Variants in TMEM209 observed in about 807,000 individuals in gnomAD.
TMEM209 encodes transmembrane protein 209.
Under a neutral mutation model 76.2 loss-of-function variants are expected in TMEM209, and 65 were observed. The ratio of observed to expected loss-of-function variants is 0.85; its 90% CI spans 0.70 to 1.05. The LOEUF (loss-of-function observed/expected upper bound fraction) is 1.05, where lower values mean the gene tolerates loss of function less well. Ranked by LOEUF, TMEM209 falls within the 50% of genes least tolerant of loss-of-function variation. The pLI is 0.00. For missense variants in TMEM209, 623 were observed against 685.5 expected (o/e 0.91, Z 1.02); for synonymous variants, 239 against 237.6 (o/e 1.01, Z -0.06).
chr7:130,200,792 T>C (rs1562899420), intron 5 of TMEM209, among the ~76,000 whole-genome samples: 1 of 152,296 alleles, frequency 6.6e-6, no homozygotes, highest in East Asian at 1.9e-4. Context: ...AAATTAATTT[T>C]AATATTGGAT....
intron 6 of TMEM209, 43 bp from the exon 7 acceptor site, chr7:130,185,410 T>C: frequency 1.9e-6 from 3 of 1,566,930 alleles, no homozygotes; most frequent in Non-Finnish European, 2.6e-6. Flanking sequence ...TTGTAGCAAT[T>C]CTGACATCTA....
chr7:130,166,484 A>G lies in TMEM209; in HGVS notation c.1653T>C (p.Ser551=), dbSNP rs750662206. The G allele has an allele frequency of 1.1e-5, 17 of 1,541,476 alleles. No individual in the cohort carries two copies. Among genetic ancestry groups the G allele is most frequent in the Non-Finnish European group, 1.5e-5 (17 of 1,143,440 alleles). ...GMLGRVNLGL[S]GVNILWIFGE is the part of the protein sequence containing the mutation. The stretch of plus-strand genomic sequence containing the variant: ...CAAAGATCCACAATATATTCACACC[A>G]GATAGACCAAGATTAACTCTCCTAT... The change falls in exon 15 of 15, where the codon TCT becomes TCC. Residue 551 remains serine (S), a synonymous_variant. Transcript: ENST00000397622.
At chr7:130,174,608 T>C (rs1797175986) in intron 11 of TMEM209, among the ~76,000 whole-genome samples, 1 of 152,136 alleles carries the variant, frequency 6.6e-6, no homozygotes, top group Non-Finnish European at 1.5e-5. Flanking sequence ...TTTTCACCCG[T>C]AACAGTCACT....
rs999162602 is a variant in TMEM209, at chr7:130,166,000, G to GT, written c.*450dup. The GT allele has an allele frequency of 4.6e-5, 7 of 152,358 alleles. No homozygotes were observed. Among genetic ancestry groups the GT allele is most frequent in the African/African-American group, 1.7e-4 (7 of 41,308 alleles). The allele number at this position is 152,358 out of a possible 1,614,324, so 9.4% of individuals were successfully genotyped here. A position where few individuals can be genotyped will look rare whatever the true frequency, so the allele number is the denominator to read the frequency against. On this transcript the variant is annotated 3_prime_UTR_variant, in exon 15 of 15. Coordinates refer to ENST00000397622, the MANE Select transcript of TMEM209 (RefSeq NM_032842.4). The stretch of plus-strand genomic sequence containing the variant: ...TTGAGCCTGGGAGGCAGAAGTTGTA[G>GT]TGAGCTAAGATCGTGCCACTGCACT...
intron 4 of TMEM209, 47 bp downstream of exon 4, chr7:130,202,485 T>C (rs1292033679): frequency 1.3e-6 from 2 of 1,560,608 alleles, no homozygotes; most frequent in Non-Finnish European, 1.7e-6. Flanking sequence ...GAGAAAGATT[T>C]ATTGCCAACC....
chr7:130,179,448 G>T (rs1380166771), intron 9 of TMEM209, among the ~76,000 whole-genome samples: 1 of 152,054 alleles, frequency 6.6e-6, no homozygotes, highest in East Asian at 1.9e-4. Flanking sequence ...TTCAAAATAA[G>T]TTGAATTAGA....
intron 10 of TMEM209, among the ~76,000 whole-genome samples, chr7:130,176,530 G>T (rs2116982043): frequency 6.6e-6 from 1 of 152,122 alleles, no homozygotes; most frequent in African/African-American, 2.4e-5. Context: ...CAAATACCCT[G>T]CTAACTACAA....
At position 130,178,428 on chromosome 7, in the gene TMEM209, T is replaced by C; in HGVS notation, c.1220A>G (p.Gln407Arg). The C allele has an allele frequency of 6.2e-7, 1 of 1,612,948 alleles. No individual in the cohort carries two copies. Among genetic ancestry groups the C allele is most frequent in the Non-Finnish European group, 8.5e-7 (1 of 1,179,376 alleles). Reference protein sequence around the residue: ...IVQYLDLTPNQEYLFERIKEL... With the variant: ...IVQYLDLTPNREYLFERIKEL... ...TTTGATCCTTTCAAACAAGTATTCC[T>C]GATTTGGAGTAAGGTCTAGATACTG... The change falls in exon 10 of 15, where the codon CAG becomes CGG. Residue 407 changes from glutamine to arginine, a missense_variant. By Grantham distance (43) the Gln-to-Arg change is conservative (BLOSUM62 1). Coordinates refer to ENST00000397622, the MANE Select transcript of TMEM209 (RefSeq NM_032842.4).
intron 5 of TMEM209, among the ~76,000 whole-genome samples, chr7:130,193,605 T>G (rs1338988539): frequency 6.6e-6 from 1 of 151,988 alleles, no homozygotes; most frequent in Non-Finnish European, 1.5e-5. Context: ...AAATGCATAT[T>G]GTTAAGTGAA....
chr7:130,201,251 C>T (rs1423537355), intron 5 of TMEM209, among the ~76,000 whole-genome samples: 1 of 152,014 alleles, frequency 6.6e-6, no homozygotes, highest in Non-Finnish European at 1.5e-5. Context: ...TCTTTCAACG[C>T]CCCCTTATAT....
rs550108114 is a variant in TMEM209, at chr7:130,204,079, A to C, written c.35T>G (p.Leu12Arg). The C allele has an allele frequency of 1.9e-6, 3 of 1,612,708 alleles. No homozygotes were observed. The East Asian group carries it at 6.7e-5, about 36-fold the overall frequency. Residue 12 changes from leucine to arginine, a missense_variant, in exon 2 of 15, where the codon CTT (leucine) becomes CGT (arginine). Transcript: ENST00000397622. ...TCTCATCTTGATGGTTCTGTCAATA[A>C]GGGAAGCACTAGGGTGTGCCTCCCC... ...MQGEAHPSASLIDRTIKMRKE... is the reference protein window; with the variant it reads ...MQGEAHPSASRIDRTIKMRKE...
Position 130,203,813 on chromosome 7 carries a change from C to T in TMEM209, c.174G>A (p.Val58=), listed in dbSNP as rs778293576. The T allele has an allele frequency of 5.0e-6, 8 of 1,605,806 alleles. No individual in the cohort carries two copies. Among genetic ancestry groups the T allele is most frequent in the Non-Finnish European group, 6.8e-6 (8 of 1,175,760 alleles). The part of the protein sequence containing the change: ...TGKLISSYYN[V]TYWPLWYIEL... ...CAATATACCAGAGGGGCCAGTATGT[C>T]ACATTGTAGTATGAACTAATCAATT... is the stretch of plus-strand genomic sequence containing the variant. Residue 58 remains valine (V), a synonymous_variant, in exon 3 of 15, where the codon GTG becomes GTA. Coordinates refer to ENST00000397622, the MANE Select transcript of TMEM209 (RefSeq NM_032842.4).
intron 5 of TMEM209, among the ~76,000 whole-genome samples, chr7:130,193,746 T>C (rs984630924): frequency 6.6e-6 from 1 of 151,122 alleles, no homozygotes; most frequent in African/African-American, 2.4e-5. Flanking sequence ...AATGAATAAA[T>C]GGTGCAGTTT....
chr7:130,177,695 C>T (rs1005874546), intron 10 of TMEM209, among the ~76,000 whole-genome samples: 4 of 152,014 alleles, frequency 2.6e-5, no homozygotes, highest in Non-Finnish European at 5.9e-5. Context: ...ATTGTTGAGG[C>T]TGGGTGATGT....
intron 6 of TMEM209, among the ~76,000 whole-genome samples, chr7:130,191,646 C>A (rs1333572751): frequency 6.6e-6 from 1 of 152,070 alleles, no homozygotes; most frequent in Non-Finnish European, 1.5e-5. Flanking sequence ...GGTAACCAAG[C>A]CTTTTCAGGC....
intron 6 of TMEM209, among the ~76,000 whole-genome samples, chr7:130,190,113 AATG>A (rs1797742046): frequency 6.6e-6 from 1 of 152,226 alleles, no homozygotes; most frequent in Non-Finnish European, 1.5e-5. Flanking sequence ...AACATAAGTG[AATG>A]ATTAGGGAGA....
At chr7:130,175,437 G>T in intron 11 of TMEM209, 75 bp downstream of exon 11, 1 of 1,370,920 alleles carries the variant, frequency 7.3e-7, no homozygotes, top group Non-Finnish European at 1.0e-6. Flanking sequence ...ACTACAGCCT[G>T]GGTGACAGAG....
At chr7:130,169,135 C>T (rs1796971449) in intron 14 of TMEM209, among the ~76,000 whole-genome samples, 1 of 138,630 alleles carries the variant, frequency 7.2e-6, no homozygotes, top group Admixed American at 8.1e-5. Flanking sequence ...GCAGAGGTTG[C>T]AGTGAGCTGA....
chr7:130,204,825 G>C (rs1044062087), intron 1 of TMEM209: 4 of 612,036 alleles, frequency 6.5e-6, no homozygotes, highest in Non-Finnish European at 6.2e-6. Flanking sequence ...CATATCTGCT[G>C]TAAGTCATAA....
Sources: gnomAD v4.1 joint callset for allele counts (sites outside exome capture counted in the v4.1 genomes callset) on GRCh38, gnomAD v4.1.1 for gene constraint, MANE v1.5 for transcripts, NCBI Gene and HGNC (gene_info 2026-07-23, HGNC 2026-07-21) for gene names.